Variants in KCNN1 observed in about 807,000 individuals in gnomAD.
KCNN1 encodes potassium calcium-activated channel subfamily N member 1.
Under a neutral mutation model 44.7 loss-of-function variants are expected in KCNN1, and 20 were observed. The ratio of observed to expected loss-of-function variants is 0.45; its 90% CI spans 0.32 to 0.65. The LOEUF is 0.65. Among genes scored for constraint, KCNN1 ranks in the 30% least tolerant of loss-of-function variants. The pLI, the probability that KCNN1 is intolerant of heterozygous loss-of-function variation, is 0.05. For missense variants in KCNN1, 632 were observed against 785.3 expected (o/e 0.80, Z 2.33); for synonymous variants, 324 against 341.7 (o/e 0.95, Z 0.57).
chr19:17,967,917 C>G (rs1320864486), intron 1 of KCNN1, among the ~76,000 whole-genome samples: 3 of 151,988 alleles, frequency 2.0e-5, no homozygotes, highest in Non-Finnish European at 4.4e-5. Context: ...TAATTGCACC[C>G]TGCTGGCTGC....
In KCNN1 at chr19:17,999,353, A is replaced by C. The variant is rs2033110789; in HGVS notation, c.*947A>C. ...GCGGATCACCTGAGGTCAGGAGTTC[A>C]AGACCAGCCTGGGCAACATGGTGAA... On this transcript the variant is annotated 3_prime_UTR_variant, in exon 10 of 10. Transcript: ENST00000684775. 8 of 152,540 alleles carry C rather than the reference A, an allele frequency of 5.2e-5. No homozygotes were observed. The highest frequency in any genetic ancestry group is 5.2e-4 in the Admixed American group (8 of 15,282). 9.4% of individuals were successfully genotyped at this position (152,540 alleles called of 1,614,324 possible).
chr19:17,957,090 AAAGG>A (rs1016742941), intron 2 of KCNN1, among the ~76,000 whole-genome samples: 4 of 146,428 alleles, frequency 2.7e-5, no homozygotes, highest in African/African-American at 1.0e-4. Flanking sequence ...AAAAACAGAG[AAAGG>A]GAGGGAGGGA....
chr19:17,954,818 A>T (rs2031502166), intron 2 of KCNN1: 1 of 152,140 alleles, frequency 6.6e-6, no homozygotes, highest in Non-Finnish European at 1.5e-5. Context: ...CAGGTGGATC[A>T]CTTGAGGTCA....
At chr19:17,977,639 T>C (rs931074234) in intron 3 of KCNN1, among the ~76,000 whole-genome samples, 2 of 152,064 alleles carry the variant, frequency 1.3e-5, no homozygotes, top group African/African-American at 2.4e-5. Flanking sequence ...CGTGAGCCAC[T>C]ATGCCTGGCC....
At position 17,998,205 on chromosome 19, in the gene KCNN1, G is replaced by C; in HGVS notation, c.1431G>C (p.Glu477Asp). 2 of 1,594,402 alleles carry C rather than the reference G, an allele frequency of 1.3e-6. No individual in the cohort carries two copies. Among genetic ancestry groups the C allele is most frequent in the South Asian group, 2.3e-5 (2 of 88,182 alleles). The part of the protein sequence containing the change: ...LVSELHAQHE[E>D]LEARLATLES... ...CGGAGCTGCACGCTCAGCACGAGGA[G>C]CTGGAGGCCCGCCTGGCCACCCTGG... is the stretch of plus-strand genomic sequence containing the variant. The change falls in exon 10 of 10, where the codon GAG becomes GAC. Residue 477 changes from glutamate (E) to aspartate (D), a missense_variant. By Grantham distance (45) the Glu-to-Asp change is conservative. Transcript: ENST00000684775. This position sits in a 1 kb window ranked among gnomAD's most constrained non-coding sequence, Gnocchi z 5.4.
At chr19:17,981,594 G>T in intron 3 of KCNN1, 115 bp from the exon 4 acceptor site, 1 of 698,098 alleles carries the variant, frequency 1.4e-6, no homozygotes, top group Non-Finnish European at 2.3e-6. Context: ...AGAAAAATCC[G>T]AGCCTGTGGG....
rs1046655500 is a variant in KCNN1 at position 17,983,248 on chromosome 19, C to A, written c.917+1121C>A. Among the ~76,000 whole-genome samples the A allele has an allele frequency of 6.6e-6, 1 of 152,046 alleles. No individual in the cohort carries two copies. The highest frequency in any genetic ancestry group is 6.5e-5 in the Admixed American group (1 of 15,272). ...CCGCCAGGCCTGGGGTGTGAGGGTG[C>A]CTTATCTGGGAGAGGGTCTCCCTGC... On this transcript the variant is annotated intron_variant, in intron 4 of 9. Transcript: ENST00000684775. This position sits in a 1 kb window ranked among gnomAD's most constrained non-coding sequence, Gnocchi z 4.5.
chr19:17,968,364 C>G (rs1027940006), intron 1 of KCNN1, among the ~76,000 whole-genome samples: 31 of 145,902 alleles, frequency 2.1e-4, no homozygotes, highest in African/African-American at 7.7e-4. Flanking sequence ...TTACAGACTG[C>G]AAAGCATTTG....
chr19:17,968,685 T>TC (rs958750671), intron 1 of KCNN1, among the ~76,000 whole-genome samples: 1 of 151,740 alleles, frequency 6.6e-6, no homozygotes, highest in Non-Finnish European at 1.5e-5. Flanking sequence ...CTCTCATGGG[T>TC]CCCCCCAGGC....
rs529316360 is a variant in KCNN1, at chr19:17,986,224, G to A, written c.1059+771G>A. On this transcript the variant is annotated intron_variant, in intron 5 of 9. Coordinates refer to ENST00000684775, the MANE Select transcript of KCNN1 (RefSeq NM_001386974.1). ...ACTAAAAATACAAAATTAGCCGGGC[G>A]TGGTGGTGGGTGCCTGTAATCCCAG... Among the ~76,000 whole-genome samples, 10 of 152,224 alleles carry A rather than the reference G, an allele frequency of 6.6e-5. No individual in the cohort carries two copies. In the South Asian group the frequency reaches 8.3e-4, roughly 13 times the overall value.
rs144099792 is a variant in KCNN1, at chr19:17,992,062, T to G, written c.1299-992T>G. ...AAGGCTGGGCGCGGTGGCTCACACT[T>G]GTAATCCCAGCACTTTGGGAGGCCG... On this transcript the variant is annotated intron_variant, in intron 7 of 9. Transcript: ENST00000684775. 2.7e-3 allele frequency among the ~76,000 whole-genome samples: 408 copies of G among 152,312 alleles called. 2 individuals are homozygous for G. Among genetic ancestry groups the G allele is most frequent in the African/African-American group, 8.6e-3 (359 of 41,566 alleles).
intron 3 of KCNN1, among the ~76,000 whole-genome samples, chr19:17,978,183 G>A (rs756855371): frequency 6.1e-5 from 9 of 147,222 alleles, no homozygotes; most frequent in Non-Finnish European, 1.0e-4. Flanking sequence ...CTGGAGTACA[G>A]TGGTGCAATC....
At chr19:17,977,857 G>A (rs901824395) in intron 3 of KCNN1, among the ~76,000 whole-genome samples, 51 of 151,970 alleles carry the variant, frequency 3.4e-4, no homozygotes, top group Admixed American at 2.7e-3. Flanking sequence ...GAAATACGAC[G>A]CTCAGCAGAA....
At position 17,998,361 on chromosome 19, in the gene KCNN1, C is replaced by T; in HGVS notation, c.1587C>T (p.Ser529=). The T allele has an allele frequency of 6.6e-7, 1 of 1,504,274 alleles. No individual in the cohort carries two copies. Among genetic ancestry groups the T allele is most frequent in the South Asian group, 1.2e-5 (1 of 80,260 alleles). 93.2% of individuals were successfully genotyped at this position (1,504,274 alleles called of 1,614,324 possible). A position where few individuals can be genotyped will look rare whatever the true frequency, so the allele number is the denominator to read the frequency against. ...GCCCCCAAGACCAGGCAGCCCGGAG[C>T]TCCCCCTGCCGGTGGACGCCCGTGG... ...GPGPQDQAAR[S]SPCRWTPVAP... Residue 529 remains serine (S), a synonymous_variant, in exon 10 of 10, where the codon AGC becomes AGT. Transcript: ENST00000684775. This position sits in a 1 kb window ranked among gnomAD's most constrained non-coding sequence, Gnocchi z 5.4.
upstream of KCNN1, among the ~76,000 whole-genome samples, chr19:17,966,038 TTCCTTCCTTCC>T (rs2031799308): frequency 1.7e-5 from 2 of 117,822 alleles, no homozygotes; most frequent in Non-Finnish European, 3.7e-5. Flanking sequence ...CCTTCCTTCC[TTCCTTCCTTCC>T]TTCCTTCCTT....
At chr19:17,978,236 C>T (rs1197356963) in intron 3 of KCNN1, among the ~76,000 whole-genome samples, 2 of 149,056 alleles carry the variant, frequency 1.3e-5, no homozygotes, top group African/African-American at 5.0e-5. Context: ...AAGTCATTCT[C>T]CTGCCTCAGC....
At chr19:17,988,358 G>A in intron 5 of KCNN1, 57 bp from the exon 6 acceptor site, 1 of 1,432,854 alleles carries the variant, frequency 7.0e-7, no homozygotes, top group Non-Finnish European at 9.6e-7. Flanking sequence ...AGGCTTCCTG[G>A]AGGAGGGAGT....
At chr19:17,980,211 G>A (rs1163779864) in intron 3 of KCNN1, among the ~76,000 whole-genome samples, 3 of 127,264 alleles carry the variant, frequency 2.4e-5, no homozygotes, top group Non-Finnish European at 4.8e-5. Flanking sequence ...ACAGGCACCC[G>A]CCACCACACC....
intron 1 of KCNN1, among the ~76,000 whole-genome samples, chr19:17,971,496 C>T (rs1287367846): frequency 1.3e-5 from 2 of 151,092 alleles, no homozygotes; most frequent in Non-Finnish European, 3.0e-5. Flanking sequence ...GAGTTTTGCT[C>T]TTGTTGCCCA....
Sources: gnomAD v4.1 joint callset for allele counts (sites outside exome capture counted in the v4.1 genomes callset) on GRCh38, gnomAD v4.1.1 for gene constraint, Gnocchi (gnomAD v3.1) non-coding constraint, MANE v1.5 for transcripts, NCBI Gene and HGNC (gene_info 2026-07-23, HGNC 2026-07-21) for gene names.